The following PGBD5 variants were observed in gnomAD, a reference collection of about 807,000 sequenced individuals.
PGBD5 encodes the protein piggyBac transposable element derived 5, also known as piggyBac transposable element-derived protein 5.
Under a neutral mutation model 47.9 loss-of-function variants are expected in PGBD5, and 14 were observed. The ratio of observed to expected loss-of-function variants is 0.29; its 90% CI spans 0.19 to 0.46. The LOEUF (loss-of-function observed/expected upper bound fraction) is 0.46. PGBD5 is among the 20% of genes least tolerant of loss of function. The pLI, the probability that PGBD5 is intolerant of heterozygous loss-of-function variation, is 1.00. For missense variants in PGBD5, 635 were observed against 716.0 expected, an observed-to-expected ratio of 0.89 and a Z score of 1.29; for synonymous variants, 316 against 306.3, an observed-to-expected ratio of 1.03 and a Z score of -0.33.
In PGBD5 at chr1:230,323,725, G is replaced by T; in HGVS notation, c.1380-105C>A. ...ACAGCCCGTGAGACGCTGCAGGTTCGCCCCCGACAGAAGCAGGAGGGCTAT... is the reference window on the plus strand; with the variant it reads ...ACAGCCCGTGAGACGCTGCAGGTTCTCCCCCGACAGAAGCAGGAGGGCTAT... On this transcript the variant is annotated intron_variant, in intron 6 of 6. Coordinates refer to ENST00000391860, the MANE Select transcript of PGBD5 (RefSeq NM_001258311.2). This position sits in a 1 kb window ranked among gnomAD's most constrained non-coding sequence, Gnocchi z 4.1. 8.8e-7 allele frequency: 1 copy of T among 1,135,284 alleles called. No homozygotes were observed. Among genetic ancestry groups the T allele is most frequent in the Non-Finnish European group, 1.3e-6 (1 of 796,742 alleles). The allele number at this position is 1,135,284 out of a possible 1,614,324, so 70.3% of individuals were successfully genotyped here. A position where few individuals can be genotyped will look rare whatever the true frequency, so the allele number is the denominator to read the frequency against.
At chr1:230,383,723 G>A (rs1026115816) in intron 1 of PGBD5, among the ~76,000 whole-genome samples, 1 of 152,196 alleles carries the variant, frequency 6.6e-6, no homozygotes, top group Admixed American at 6.5e-5. Context: ...CAAAGTTGGA[G>A]AGCAGCAGAG....
intron 1 of PGBD5, among the ~76,000 whole-genome samples, chr1:230,409,512 A>C (rs1482215455): frequency 6.6e-6 from 1 of 152,252 alleles, no homozygotes; most frequent in Non-Finnish European, 1.5e-5. Context: ...AATATTATTC[A>C]ACAAGAAAAA....
intron 3 of PGBD5, among the ~76,000 whole-genome samples, chr1:230,339,156 T>C (rs1228493916): frequency 2.0e-5 from 3 of 152,218 alleles, no homozygotes; most frequent in Non-Finnish European, 4.4e-5. Context: ...TGCAACGTGA[T>C]AGCTGAGAAA....
chr1:230,386,613 T>C (rs979044764), intron 1 of PGBD5, among the ~76,000 whole-genome samples: 3 of 152,262 alleles, frequency 2.0e-5, no homozygotes, highest in African/African-American at 7.2e-5. Flanking sequence ...TTCATCGCCA[T>C]TGGCTAACTT....
chr1:230,329,548 G>T (rs1049901325), intron 5 of PGBD5, among the ~76,000 whole-genome samples: 2 of 152,152 alleles, frequency 1.3e-5, no homozygotes, highest in African/African-American at 2.4e-5. Flanking sequence ...GTCTTGCTCT[G>T]TCGGCCAGGC....
At chr1:230,361,810 A>G (rs764189701) in intron 1 of PGBD5, among the ~76,000 whole-genome samples, 1 of 152,240 alleles carries the variant, frequency 6.6e-6, no homozygotes, top group Non-Finnish European at 1.5e-5. Flanking sequence ...CCAGGCTCAG[A>G]GGAGAGCTGT....
At chr1:230,348,128 A>C (rs1667504033) in intron 3 of PGBD5, among the ~76,000 whole-genome samples, 1 of 152,254 alleles carries the variant, frequency 6.6e-6, no homozygotes, top group South Asian at 2.1e-4. Context: ...TTCCCCGCTA[A>C]GTCATTCAGG....
At chr1:230,424,599 C>A (rs145759715) in intron 1 of PGBD5, among the ~76,000 whole-genome samples, 38 of 152,332 alleles carry the variant, frequency 2.5e-4, no homozygotes, top group African/African-American at 9.1e-4. Flanking sequence ...GAACAATAAT[C>A]AGAGAAGGCC....
chr1:230,388,148 A>G (rs1656692834), intron 1 of PGBD5, among the ~76,000 whole-genome samples: 1 of 152,232 alleles, frequency 6.6e-6, no homozygotes, highest in African/African-American at 2.4e-5. Flanking sequence ...GCTGTGCATG[A>G]GGATGGCCAA....
At chr1:230,367,860 C>T in intron 1 of PGBD5, 1 of 1,262,460 alleles carries the variant, frequency 7.9e-7, no homozygotes, top group South Asian at 1.3e-5. Flanking sequence ...ATTCTCGCAA[C>T]AGCCAAGCAC....
At chr1:230,328,517 T>C (rs1353962917) in intron 5 of PGBD5, among the ~76,000 whole-genome samples, 1 of 152,226 alleles carries the variant, frequency 6.6e-6, no homozygotes, top group Non-Finnish European at 1.5e-5. Flanking sequence ...AGTGACTGTC[T>C]TGACTGAGTG....
chr1:230,358,313 C>T lies in PGBD5; in HGVS notation c.332-992G>A, dbSNP rs192962875. Among the ~76,000 whole-genome samples, 309 of 152,210 alleles carry T rather than the reference C, an allele frequency of 2.0e-3. 1 individual carries two copies. Among genetic ancestry groups the T allele is most frequent in the African/African-American group, 7.2e-3 (297 of 41,500 alleles). ...TAAGGGGAGGGAGGAGATGCAAAGA[C>T]ACGTGGTGTTTCTAACACAGGGGCA... On this transcript the variant is annotated intron_variant, in intron 1 of 6. Coordinates refer to ENST00000391860, the MANE Select transcript of PGBD5 (RefSeq NM_001258311.2).
chr1:230,314,922 C>T lies in PGBD5; in HGVS notation c.*8503G>A, dbSNP rs761770579. 1 of 151,990 alleles carries T rather than the reference C, an allele frequency of 6.6e-6. No homozygotes were observed. Among genetic ancestry groups the T allele is most frequent in the African/African-American group, 2.4e-5 (1 of 41,296 alleles). 9.4% of individuals were successfully genotyped at this position (151,990 alleles called of 1,614,324 possible). ...TTCCAGCTTCTTTGACACGGATTTC[C>T]TCATCATCAATGGCGGCTCTCCTGA... On this transcript the variant is annotated 3_prime_UTR_variant, in exon 7 of 7. Coordinates refer to ENST00000391860, the MANE Select transcript of PGBD5 (RefSeq NM_001258311.2).
intron 1 of PGBD5, among the ~76,000 whole-genome samples, chr1:230,379,433 ACT>A (rs1248920454): frequency 1.2e-4 from 19 of 152,028 alleles, no homozygotes; most frequent in African/African-American, 3.9e-4. Context: ...TGCTAATCAG[ACT>A]CTGTTTCCAT....
In PGBD5 at chr1:230,323,114, G is replaced by A; in HGVS notation, c.*311C>T. The A allele has an allele frequency of 6.1e-6, 2 of 326,126 alleles. No homozygotes were observed. The highest frequency in any genetic ancestry group is 5.3e-5 in the South Asian group (1 of 18,724). The allele number at this position is 326,126 out of a possible 1,614,324, so 20.2% of individuals were successfully genotyped here. ...TCTACCACGGGGGCCTTCCTTCACAGTCACCAGTCCACGCTGCCTCGCAAG... is the reference window on the plus strand; with the variant it reads ...TCTACCACGGGGGCCTTCCTTCACAATCACCAGTCCACGCTGCCTCGCAAG... On this transcript the variant is annotated 3_prime_UTR_variant, in exon 7 of 7. Transcript: ENST00000391860. The surrounding 1 kb of genome is among the most constrained non-coding windows in gnomAD (Gnocchi z 4.1).
intron 1 of PGBD5, among the ~76,000 whole-genome samples, chr1:230,396,989 C>T (rs1169758052): frequency 1.3e-5 from 2 of 152,144 alleles, no homozygotes; most frequent in South Asian, 2.1e-4. Flanking sequence ...TGGAGTCACG[C>T]CTTGGGGGTC....
intron 1 of PGBD5, among the ~76,000 whole-genome samples, chr1:230,402,552 C>G (rs1657163956): frequency 2.0e-5 from 3 of 152,224 alleles, no homozygotes; most frequent in African/African-American, 2.4e-5. Context: ...CTCCTGGGCT[C>G]AAGCAATCCT....
intron 6 of PGBD5, among the ~76,000 whole-genome samples, chr1:230,324,809 G>T (rs1338617187): frequency 6.6e-6 from 1 of 152,208 alleles, no homozygotes; most frequent in Non-Finnish European, 1.5e-5. Context: ...CATACTATGT[G>T]TATATTGAAC....
chr1:230,406,686 T>A (rs924871618), intron 1 of PGBD5, among the ~76,000 whole-genome samples: 2 of 152,236 alleles, frequency 1.3e-5, no homozygotes, highest in African/African-American at 4.8e-5. Flanking sequence ...CTTAGTGTAA[T>A]TTTATTGTCA....
Sources: allele counts gnomAD v4.1 joint callset (sites outside exome capture counted in the v4.1 genomes callset), GRCh38; gene constraint gnomAD v4.1.1; non-coding constraint Gnocchi (gnomAD v3.1); transcripts MANE v1.5; gene names NCBI Gene and HGNC (gene_info 2026-07-23, HGNC 2026-07-21).